SH3TC1: variants seen among roughly 807,000 people sequenced by gnomAD.
SH3TC1 encodes the protein SH3 domain and tetratricopeptide repeat-containing protein 1.
Under a neutral mutation model 117.3 loss-of-function variants are expected in SH3TC1, and 135 were observed. That is an observed-to-expected ratio of 1.15 (90% CI 1.00 to 1.33). The LOEUF is 1.33. Among genes scored for constraint, SH3TC1 ranks in the 40% most tolerant of loss-of-function variants. The pLI is 0.00. For missense variants in SH3TC1, 2,092 were observed against 1,794.3 expected, an observed-to-expected ratio of 1.17 and a Z score of -3.00; for synonymous variants, 898 against 816.9, an observed-to-expected ratio of 1.10 and a Z score of -1.69.
At chr4:8,223,099 C>A in intron 10 of SH3TC1, 129 bp downstream of exon 10, 1 of 1,324,566 alleles carries the variant, frequency 7.5e-7, no homozygotes, top group South Asian at 1.5e-5. Flanking sequence ...CAGAGGCTGC[C>A]GCTGCCTCCA....
At chr4:8,234,578 T>TCCAC (rs1287417545) in intron 14 of SH3TC1, among the ~76,000 whole-genome samples, 3 of 76,890 alleles carry the variant, frequency 3.9e-5, no homozygotes, top group Admixed American at 2.6e-4. Context: ...TATCCATCCA[T>TCCAC]CCACCCATCC....
chr4:8,200,735 C>T (rs991641902), intron 1 of SH3TC1, among the ~76,000 whole-genome samples: 3 of 152,236 alleles, frequency 2.0e-5, no homozygotes, highest in Admixed American at 1.3e-4. Context: ...GAATTCCGAA[C>T]TCAAGGCGTC....
intron 17 of SH3TC1, 67 bp downstream of exon 17, chr4:8,237,737 C>T (rs1486440912): frequency 4.0e-6 from 6 of 1,482,060 alleles, no homozygotes; most frequent in Middle Eastern, 2.0e-4. Context: ...CACCCAGACC[C>T]CTGAGGCATG....
intron 4 of SH3TC1, among the ~76,000 whole-genome samples, chr4:8,213,538 G>T (rs1160461323): frequency 6.6e-6 from 1 of 152,126 alleles, no homozygotes; most frequent in African/African-American, 2.4e-5. Flanking sequence ...AGGTGAACTG[G>T]GTCAGCATGC....
At chr4:8,222,160 A>G (rs1719978152) in intron 9 of SH3TC1, among the ~76,000 whole-genome samples, 1 of 151,876 alleles carries the variant, frequency 6.6e-6, no homozygotes, top group Admixed American at 6.6e-5. Context: ...GGAGTTTACA[A>G]TGTGGAGAGA....
chr4:8,239,143 C>A (rs570862543), intron 17 of SH3TC1, among the ~76,000 whole-genome samples: 13 of 152,150 alleles, frequency 8.5e-5, no homozygotes, highest in Non-Finnish European at 1.8e-4. Flanking sequence ...GAGAGTGAGC[C>A]CTGGAATAGG....
At chr4:8,229,657 G>T (rs1223817744) in intron 12 of SH3TC1, among the ~76,000 whole-genome samples, 1 of 151,890 alleles carries the variant, frequency 6.6e-6, no homozygotes, top group South Asian at 2.1e-4. Context: ...CTCAGGCTGT[G>T]GCTTGGCCTT....
chr4:8,226,121 T>C (rs73798675), intron 11 of SH3TC1, among the ~76,000 whole-genome samples: 5,298 of 152,314 alleles, frequency 0.035, 237 homozygotes, highest in African/African-American at 0.1. Flanking sequence ...ATTTTTTACA[T>C]GTGAGCTTGA....
At position 8,240,555 on chromosome 4, in the gene SH3TC1, G is replaced by T; in HGVS notation, c.3754-143G>T. The T allele has an allele frequency of 6.7e-6, 9 of 1,349,282 alleles. No individual in the cohort carries two copies. The South Asian group carries it at 1.1e-4, about 16-fold the overall frequency. 83.6% of individuals were successfully genotyped at this position (1,349,282 alleles called of 1,614,324 possible). A position where few individuals can be genotyped will look rare whatever the true frequency, so the allele number is the denominator to read the frequency against. ...GGCCGTCTCCACCTCCTGCAGCTGAGCCCACAGCAGTGTCACAGGCTTCGG... is the reference window on the plus strand; with the variant it reads ...GGCCGTCTCCACCTCCTGCAGCTGATCCCACAGCAGTGTCACAGGCTTCGG... On this transcript the variant is annotated intron_variant, in intron 17 of 17. Transcript: ENST00000245105.
intron 2 of SH3TC1, among the ~76,000 whole-genome samples, chr4:8,207,179 A>C (rs1016367668): frequency 1.3e-5 from 2 of 151,732 alleles, no homozygotes; most frequent in Non-Finnish European, 2.9e-5. Context: ...GTTTTGAAGG[A>C]TACAGTTTGG....
chr4:8,182,883 C>G (rs911708045), intron 1 of SH3TC1, among the ~76,000 whole-genome samples: 38 of 152,318 alleles, frequency 2.5e-4, no homozygotes, highest in African/African-American at 9.1e-4. Flanking sequence ...GCCTCAGTCC[C>G]CCTCATGGGG....
chr4:8,234,181 ATCATCCATCCAT>A (rs1400082542), intron 14 of SH3TC1, among the ~76,000 whole-genome samples: 1 of 126,070 alleles, frequency 7.9e-6, no homozygotes, highest in South Asian at 2.8e-4. Context: ...CCATCCATCC[ATCATCCATCCAT>A]TCATCCATCC....
chr4:8,239,043 G>A (rs1362999712), intron 17 of SH3TC1, among the ~76,000 whole-genome samples: 1 of 152,198 alleles, frequency 6.6e-6, no homozygotes, highest in Non-Finnish European at 1.5e-5. Context: ...AGCCGGTTTG[G>A]ATGGGGCCTG....
intron 12 of SH3TC1, 185 bp from the exon 13 acceptor site, chr4:8,231,791 G>A (rs561579283): frequency 2.5e-4 from 160 of 640,054 alleles, no homozygotes; most frequent in Non-Finnish European, 3.7e-4. Context: ...AAAGAAGGCC[G>A]GCCTCTACCA....
At chr4:8,236,606 T>C in intron 16 of SH3TC1, 178 bp downstream of exon 16, 1 of 778,826 alleles carries the variant, frequency 1.3e-6, no homozygotes, top group Non-Finnish European at 1.9e-6. Context: ...GGTCCTTCAC[T>C]CAGTGCAGAG....
Position 8,190,933 on chromosome 4 carries a change from C to T in SH3TC1, c.-57+8723C>T, listed in dbSNP as rs958740960. Among the ~76,000 whole-genome samples the T allele has an allele frequency of 4.5e-4, 68 of 152,126 alleles. No individual in the cohort carries two copies. Among genetic ancestry groups the T allele is most frequent in the African/African-American group, 1.5e-3 (62 of 41,518 alleles). On this transcript the variant is annotated intron_variant, in intron 1 of 16. Coordinates refer to the SH3TC1 transcript ENST00000508641. The surrounding 1 kb of genome is among the most constrained non-coding windows in gnomAD (Gnocchi z 4.7). ...CTAGGATTACAGGCGTAATCCACTG[C>T]GCCCAGCCCTGGCTCTGTGATTTTA... is the stretch of plus-strand genomic sequence containing the variant.
chr4:8,190,679 C>T lies in SH3TC1; in HGVS notation c.-57+8469C>T, dbSNP rs951422154. Among the ~76,000 whole-genome samples, 3 of 151,856 alleles carry T rather than the reference C, an allele frequency of 2.0e-5. No individual in the cohort carries two copies. Among genetic ancestry groups the T allele is most frequent in the Admixed American group, 1.3e-4 (2 of 15,250 alleles). ...TTTTGGAGACAGAGCCTGGCTCTGT[C>T]GCCCAGGCTGGAGTGCAGTAGTGTG... is the stretch of plus-strand genomic sequence containing the variant. On this transcript the variant is annotated intron_variant, in intron 1 of 16. Coordinates refer to the SH3TC1 transcript ENST00000508641. The surrounding 1 kb of genome is among the most constrained non-coding windows in gnomAD (Gnocchi z 4.7).
chr4:8,236,666 C>T, intron 16 of SH3TC1: 1 of 452,934 alleles, frequency 2.2e-6, no homozygotes, highest in Non-Finnish European at 3.8e-6. Context: ...CCCTGCTGAC[C>T]ACGAGGGCTG....
rs11734194 is a variant in SH3TC1 at position 8,212,717 on chromosome 4, G to T, written c.264G>T (p.Leu88=). 0.017 allele frequency: 26,707 copies of T among 1,612,894 alleles called. 304 individuals carry two copies. The highest frequency in any genetic ancestry group is 0.02 in the Non-Finnish European group (23,848 of 1,179,928). The change falls in exon 4 of 18, where the codon CTG becomes CTT. Residue 88 remains leucine, a synonymous_variant. Coordinates refer to ENST00000245105, the MANE Select transcript of SH3TC1 (RefSeq NM_018986.5). ...GVYPTDLTLQ[L]LAVRRKSRLR... The stretch of plus-strand genomic sequence containing the variant: ...CCCCTCCAGACCTGACCCTGCAGCT[G>T]CTGGCTGTGCGGAGGAAGAGCAGAC...
Sources: gnomAD v4.1 joint callset for allele counts (sites outside exome capture counted in the v4.1 genomes callset) on GRCh38, gnomAD v4.1.1 for gene constraint, Gnocchi (gnomAD v3.1) non-coding constraint, MANE v1.5 for transcripts, NCBI Gene and HGNC (gene_info 2026-07-23, HGNC 2026-07-21) for gene names.